The following ASXL3 variants were observed in gnomAD, a reference collection of about 807,000 sequenced individuals.
ASXL3 encodes ASXL transcriptional regulator 3.
Under a neutral mutation model 170.6 loss-of-function variants are expected in ASXL3, and 34 were observed. The ratio of observed to expected loss-of-function variants is 0.20; its 90% CI spans 0.15 to 0.27. ASXL3 has a LOEUF of 0.27. Among genes scored for constraint, ASXL3 ranks in the 10% least tolerant of loss-of-function variants. The pLI, the probability that ASXL3 is intolerant of heterozygous loss-of-function variation, is 1.00. For synonymous variants in ASXL3, 1,002 were observed against 989.1 expected, an observed-to-expected ratio of 1.01 and a Z score of -0.24; for missense variants, 2,592 against 2,695.3, an observed-to-expected ratio of 0.96 and a Z score of 0.85.
intron 2 of ASXL3, among the ~76,000 whole-genome samples, chr18:33,621,012 A>G (rs1260810482): frequency 6.6e-6 from 1 of 152,172 alleles, no homozygotes; most frequent in Admixed American, 6.6e-5. Context: ...TGCTTGTGAG[A>G]ATTGATCTGA....
chr18:33,645,214 G>A (rs1359310999), intron 3 of ASXL3, among the ~76,000 whole-genome samples: 1 of 151,884 alleles, frequency 6.6e-6, no homozygotes, highest in African/African-American at 2.4e-5. Context: ...GTGACATATG[G>A]TAATGCAGAA....
At position 33,738,681 on chromosome 18, in the gene ASXL3, T is replaced by C. The variant is rs1031606608; in HGVS notation, c.1277T>C (p.Val426Ala). The change falls in exon 11 of 12, where the codon GTA becomes GCA. Residue 426 changes from valine to alanine, a missense_variant. Transcript: ENST00000269197. The stretch of plus-strand genomic sequence containing the variant: ...TTCTGTGCTACTCTTTGCCCTATGG[T>C]AGAAATTCCACCTAAAGATATAATG... The part of the protein sequence containing the change: ...PGFCATLCPM[V>A]EIPPKDIMAE... The C allele has an allele frequency of 6.2e-7, 1 of 1,613,912 alleles. No homozygotes were observed. The highest frequency in any genetic ancestry group is 8.5e-7 in the Non-Finnish European group (1 of 1,179,852).
rs2067589606 is a variant in ASXL3 at position 33,738,615 on chromosome 18, A to G, written c.1211A>G (p.Gln404Arg). ...GCACAGACAGCCTTGGCAGAACAAC[A>G]GCCAAAAAGCATGAAAAGCCCAGCT... ...VSAQTALAEQ[Q>R]PKSMKSPASP... Residue 404 changes from glutamine to arginine, a missense_variant, in exon 11 of 12, where the codon CAG (glutamine) becomes CGG (arginine). Gln to Arg is a conservative substitution (Grantham distance 43). Coordinates refer to ENST00000269197, the MANE Select transcript of ASXL3 (RefSeq NM_030632.3). 6.2e-7 allele frequency: 1 copy of G among 1,613,828 alleles called. No individual in the cohort carries two copies. The highest frequency in any genetic ancestry group is 8.5e-7 in the Non-Finnish European group (1 of 1,179,872).
chr18:33,644,144 AT>A (rs753002449), intron 2 of ASXL3, among the ~76,000 whole-genome samples: 1 of 151,930 alleles, frequency 6.6e-6, no homozygotes, highest in African/African-American at 2.4e-5. Context: ...ATGTACTTTG[AT>A]ATTTTAAATG....
chr18:33,605,241 T>A (rs1460027811), intron 1 of ASXL3, among the ~76,000 whole-genome samples: 1 of 151,992 alleles, frequency 6.6e-6, no homozygotes, highest in Non-Finnish European at 1.5e-5. Flanking sequence ...CCCCACTCAG[T>A]GTATTAGAGT....
intron 4 of ASXL3, among the ~76,000 whole-genome samples, chr18:33,652,603 CAAA>C (rs554834298): frequency 4.5e-5 from 5 of 112,308 alleles, no homozygotes; most frequent in Non-Finnish European, 5.3e-5. Context: ...TCTGTTGGGG[CAAA>C]AAAAAAAAAA....
intron 2 of ASXL3, among the ~76,000 whole-genome samples, chr18:33,627,865 A>G (rs2065624647): frequency 1.3e-5 from 2 of 152,112 alleles, no homozygotes; most frequent in Non-Finnish European, 2.9e-5. Flanking sequence ...TTATTTATTT[A>G]TATAATATGA....
At chr18:33,580,543 A>C (rs970546753) in intron 1 of ASXL3, among the ~76,000 whole-genome samples, 1 of 152,248 alleles carries the variant, frequency 6.6e-6, no homozygotes, top group African/African-American at 2.4e-5. Flanking sequence ...AGAATTATTT[A>C]ATAAATAACA....
At position 33,744,878 on chromosome 18, in the gene ASXL3, A is replaced by G. The variant is rs776024370; in HGVS notation, c.5030A>G (p.Lys1677Arg). The G allele has an allele frequency of 6.2e-7, 1 of 1,614,058 alleles. No individual in the cohort carries two copies. Among genetic ancestry groups the G allele is most frequent in the Non-Finnish European group, 8.5e-7 (1 of 1,179,900 alleles). Residue 1677 changes from lysine to arginine, a missense_variant, in exon 12 of 12, where the codon AAG (lysine) becomes AGG (arginine). Lys to Arg is a conservative substitution (Grantham distance 26). This residue lies in a region of ASXL3 where 2,246 missense variants were observed against 2,219.6 expected (regional missense o/e 1.01). Coordinates refer to ENST00000269197, the MANE Select transcript of ASXL3 (RefSeq NM_030632.3). ...PVKSELHEADKGFRMDTEDFP... is the reference protein window; with the variant it reads ...PVKSELHEADRGFRMDTEDFP... ...AAATCTGAACTTCACGAAGCAGACA[A>G]GGGCTTTAGAATGGACACTGAAGAC... is the stretch of plus-strand genomic sequence containing the variant.
At chr18:33,688,657 A>T (rs1013528280) in intron 8 of ASXL3, among the ~76,000 whole-genome samples, 2 of 152,220 alleles carry the variant, frequency 1.3e-5, no homozygotes, top group Admixed American at 1.3e-4. Context: ...TGCCGATCAT[A>T]TATAGGCAAT....
At position 33,745,725 on chromosome 18, in the gene ASXL3, T is replaced by C; in HGVS notation, c.5877T>C (p.Asn1959=). ...CTTCCAAGACCCCAGTGGGGTGTAA[T>C]GCATTTGCCTTCAACAGGCATCTTG... is the stretch of plus-strand genomic sequence containing the variant. ...QASSKTPVGC[N]AFAFNRHLEQ... is the part of the protein sequence containing the mutation. Residue 1959 remains asparagine (N), a synonymous_variant, in exon 12 of 12, where the codon AAT becomes AAC. Transcript: ENST00000269197. The C allele has an allele frequency of 6.2e-7, 1 of 1,613,840 alleles. No individual in the cohort carries two copies. Among genetic ancestry groups the C allele is most frequent in the East Asian group, 2.2e-5 (1 of 44,888 alleles).
intron 1 of ASXL3, among the ~76,000 whole-genome samples, chr18:33,602,808 A>C (rs1339817762): frequency 7.9e-6 from 1 of 126,190 alleles, no homozygotes; most frequent in East Asian, 2.3e-4. Context: ...TTGAGGATCA[A>C]ATAAAATAAC....
At chr18:33,654,326 A>G (rs948368996) in intron 4 of ASXL3, among the ~76,000 whole-genome samples, 11 of 152,028 alleles carry the variant, frequency 7.2e-5, no homozygotes, top group African/African-American at 2.7e-4. Flanking sequence ...TGTTTGATTT[A>G]TATAATCTGT....
At chr18:33,653,388 C>T (rs2066032172) in intron 4 of ASXL3, among the ~76,000 whole-genome samples, 1 of 152,052 alleles carries the variant, frequency 6.6e-6, no homozygotes, top group Non-Finnish European at 1.5e-5. Flanking sequence ...GTCTTTCATC[C>T]AACAGCTCTG....
chr18:33,622,087 G>A (rs1354800967), intron 2 of ASXL3, among the ~76,000 whole-genome samples: 1 of 152,048 alleles, frequency 6.6e-6, no homozygotes, highest in Non-Finnish European at 1.5e-5. Context: ...TTCATTTACC[G>A]ATTATTTTTT....
chr18:33,589,031 A>C (rs1160554878), intron 1 of ASXL3, among the ~76,000 whole-genome samples: 1 of 152,070 alleles, frequency 6.6e-6, no homozygotes, highest in Non-Finnish European at 1.5e-5. Context: ...TTATACATCC[A>C]TTTCCACTGT....
chr18:33,585,054 T>C (rs1413491365), intron 1 of ASXL3, among the ~76,000 whole-genome samples: 1 of 152,108 alleles, frequency 6.6e-6, no homozygotes, highest in African/African-American at 2.4e-5. Context: ...TCCCTGCCTT[T>C]TGGATTGCCT....
chr18:33,624,627 T>C (rs1215335790), intron 2 of ASXL3, among the ~76,000 whole-genome samples: 1 of 152,108 alleles, frequency 6.6e-6, no homozygotes, highest in African/African-American at 2.4e-5. Context: ...GGGTATGTTT[T>C]TGGGGAAAAG....
intron 2 of ASXL3, among the ~76,000 whole-genome samples, chr18:33,611,480 G>T (rs150767713): frequency 6.6e-6 from 1 of 151,954 alleles, no homozygotes; most frequent in Non-Finnish European, 1.5e-5. Flanking sequence ...GTATTTTTAG[G>T]GCTTCTGCCC....
Sources: gnomAD v4.1 joint callset for allele counts (sites outside exome capture counted in the v4.1 genomes callset) on GRCh38, gnomAD v4.1.1 for gene constraint, gnomAD v4.1.1 regional missense constraint, MANE v1.5 for transcripts, NCBI Gene and HGNC (gene_info 2026-07-23, HGNC 2026-07-21) for gene names.